The following ABCB5 variants were observed in gnomAD, a reference collection of about 807,000 sequenced individuals.
ABCB5 encodes ATP binding cassette subfamily B member 5, also known as ATP-binding cassette sub-family B member 5.
A neutral mutation model predicts 144.2 loss-of-function variants in ABCB5; 155 were observed. The ratio of observed to expected loss-of-function variants is 1.08; its 90% CI spans 0.94 to 1.23. ABCB5 has a LOEUF of 1.23. Among genes scored for constraint, ABCB5 ranks in the 50% most tolerant of loss-of-function variants. The pLI, the probability that ABCB5 is intolerant of heterozygous loss-of-function variation, is 0.00. For missense variants in ABCB5, 1,830 were observed against 1,520.8 expected (o/e 1.20, Z -3.38); for synonymous variants, 610 against 528.6 (o/e 1.15, Z -2.11).
chr7:20,717,099 A>G (rs1212865044), intron 20 of ABCB5, among the ~76,000 whole-genome samples: 1 of 152,170 alleles, frequency 6.6e-6, no homozygotes, highest in East Asian at 1.9e-4. Flanking sequence ...TTAAGGAAAG[A>G]CATGGAAGGC....
chr7:20,631,912 T>C (rs1169888025), intron 4 of ABCB5, 147 bp from the exon 5 acceptor site: 3 of 447,242 alleles, frequency 6.7e-6, no homozygotes, highest in South Asian at 6.5e-5. Context: ...GGTTAAAGAA[T>C]AGAAAATGAG....
intron 14 of ABCB5, among the ~76,000 whole-genome samples, chr7:20,670,640 T>G (rs1785436697): frequency 1.3e-5 from 2 of 152,246 alleles, no homozygotes; most frequent in African/African-American, 4.8e-5. Flanking sequence ...CCGGGTGCGG[T>G]GGCTCATGCT....
At chr7:20,730,364 CCATG>C (rs1296128265) in intron 23 of ABCB5, among the ~76,000 whole-genome samples, 2 of 152,124 alleles carry the variant, frequency 1.3e-5, no homozygotes, top group African/African-American at 4.8e-5. Context: ...CAAAAATTAG[CCATG>C]TATGGCGGTG....
intron 16 of ABCB5, among the ~76,000 whole-genome samples, chr7:20,693,529 A>G (rs1236093785): frequency 6.6e-6 from 1 of 152,156 alleles, no homozygotes; most frequent in Non-Finnish European, 1.5e-5. Flanking sequence ...ATCAAAAGAG[A>G]AACTCAAAAG....
intron 5 of ABCB5, chr7:20,642,043 G>C (rs192382526): frequency 6.6e-6 from 1 of 152,148 alleles, no homozygotes; most frequent in Admixed American, 6.6e-5. Flanking sequence ...CAGGGCGATA[G>C]GTTCTTAACA....
chr7:20,723,176 G>T lies in ABCB5; in HGVS notation c.2582G>T (p.Gly861Val). The T allele has an allele frequency of 6.2e-7, 1 of 1,614,156 alleles. No individual in the cohort carries two copies. Among genetic ancestry groups the T allele is most frequent in the Non-Finnish European group, 8.5e-7 (1 of 1,180,028 alleles). The change falls in exon 21 of 28, where the codon GGA becomes GTA. Residue 861 changes from glycine to valine, a missense_variant. By Grantham distance (109) the Gly-to-Val change is moderately radical. Coordinates refer to ENST00000404938, the MANE Select transcript of ABCB5 (RefSeq NM_001163941.2). The part of the protein sequence containing the change: ...TGMIETAAMT[G>V]FANKDKQELK... ...ATGATTGAAACCGCAGCAATGACTG[G>T]ATTTGCCAACAAAGATAAGCAAGAA...
chr7:20,679,888 T>C (rs1047057339), intron 14 of ABCB5, among the ~76,000 whole-genome samples: 6 of 152,172 alleles, frequency 3.9e-5, no homozygotes, highest in African/African-American at 9.7e-5. Context: ...ATACACACTT[T>C]ACGACTCAGC....
chr7:20,710,363 A>C (rs1786985396), intron 20 of ABCB5, among the ~76,000 whole-genome samples: 1 of 85,456 alleles, frequency 1.2e-5, no homozygotes, highest in African/African-American at 4.8e-5. Context: ...GTGAAACTCC[A>C]CCTCAAAAAA....
chr7:20,647,250 T>A (rs1784432102), intron 9 of ABCB5: 1 of 1,116,928 alleles, frequency 9.0e-7, no homozygotes, highest in Non-Finnish European at 1.1e-6. Flanking sequence ...TGGTCACACA[T>A]CCCAGCATGT....
Position 20,628,716 on chromosome 7 carries a change from C to A in ABCB5, c.137C>A (p.Thr46Lys). The A allele has an allele frequency of 1.2e-6, 2 of 1,613,360 alleles. No homozygotes were observed. The highest frequency in any genetic ancestry group is 1.7e-6 in the Non-Finnish European group (2 of 1,179,670). Reference protein sequence around the residue: ...IFRFADGLDITLMILGILASL... With the variant: ...IFRFADGLDIKLMILGILASL... The stretch of plus-strand genomic sequence containing the variant: ...CGCTTTGCTGATGGACTGGACATCA[C>A]ACTCATGATCCTGGGTATACTGGCA... The change falls in exon 4 of 28, where the codon ACA becomes AAA. Residue 46 changes from threonine to lysine, a missense_variant. By Grantham distance (78) the Thr-to-Lys change is moderately conservative. Transcript: ENST00000404938.
At chr7:20,698,374 C>T (rs1786495763) in intron 16 of ABCB5, 33 bp from the exon 17 acceptor site, 1 of 1,534,724 alleles carries the variant, frequency 6.5e-7, no homozygotes, top group African/African-American at 1.4e-5. Flanking sequence ...TGCACACAAA[C>T]TGGCATTTTT....
intron 21 of ABCB5, among the ~76,000 whole-genome samples, chr7:20,723,961 G>C (rs11978990): frequency 0.016 from 2,432 of 152,182 alleles, 59 homozygotes; most frequent in African/African-American, 0.055. Flanking sequence ...TTATATTAGA[G>C]ACTGAAGGAA....
Position 20,756,003 on chromosome 7 carries a change from G to A in ABCB5, c.*379G>A, listed in dbSNP as rs1000835299. On this transcript the variant is annotated 3_prime_UTR_variant, in exon 28 of 28. Transcript: ENST00000404938. ...GAAGGTTTTAGCAAAGGCAGTGTAA[G>A]ATAGAGTGGGGCCTGTAGCATTGCA... is the stretch of plus-strand genomic sequence containing the variant. 1 of 232,300 alleles carries A rather than the reference G, an allele frequency of 4.3e-6. No homozygotes were observed. Among genetic ancestry groups the A allele is most frequent in the Admixed American group, 5.2e-5 (1 of 19,092 alleles). The allele number at this position is 232,300 out of a possible 1,614,324, so 14.4% of individuals were successfully genotyped here. A position where few individuals can be genotyped will look rare whatever the true frequency, so the allele number is the denominator to read the frequency against.
At chr7:20,726,256 A>G (rs1782031853) in intron 21 of ABCB5, among the ~76,000 whole-genome samples, 1 of 151,214 alleles carries the variant, frequency 6.6e-6, no homozygotes, top group Non-Finnish European at 1.5e-5. Context: ...TTATAACCAC[A>G]TGCCATGTTA....
chr7:20,659,287 G>A (rs1435873248), intron 14 of ABCB5: 1 of 1,455,518 alleles, frequency 6.9e-7, no homozygotes. Context: ...AAAAACCATT[G>A]AACAGTTTTC....
At chr7:20,618,701 A>G (rs1451544963) in intron 1 of ABCB5, among the ~76,000 whole-genome samples, 1 of 151,394 alleles carries the variant, frequency 6.6e-6, no homozygotes, top group Non-Finnish European at 1.5e-5. Flanking sequence ...CACTTAAGAT[A>G]ATAGCCTCCA....
intron 20 of ABCB5, among the ~76,000 whole-genome samples, chr7:20,705,680 G>A (rs1005801176): frequency 7.2e-5 from 11 of 152,124 alleles, no homozygotes; most frequent in Non-Finnish European, 1.2e-4. Flanking sequence ...ATTCTGTTTA[G>A]GAATACTGAG....
intron 14 of ABCB5, among the ~76,000 whole-genome samples, chr7:20,666,221 CAT>C (rs918578356): frequency 1.3e-5 from 2 of 150,838 alleles, no homozygotes; most frequent in Non-Finnish European, 3.0e-5. Context: ...TCATGGAGTA[CAT>C]GTCACCGATG....
intron 14 of ABCB5, among the ~76,000 whole-genome samples, chr7:20,670,809 T>C (rs1272482952): frequency 6.6e-6 from 1 of 152,162 alleles, no homozygotes; most frequent in East Asian, 1.9e-4. Context: ...CTTGGGAGGC[T>C]GAGGCAGGAG....
Sources: gnomAD v4.1 joint callset for allele counts (sites outside exome capture counted in the v4.1 genomes callset) on GRCh38, gnomAD v4.1.1 for gene constraint, MANE v1.5 for transcripts, NCBI Gene and HGNC (gene_info 2026-07-23, HGNC 2026-07-21) for gene names.